Variants in PCMT1 observed in about 807,000 individuals in gnomAD.
PCMT1 encodes protein-L-isoaspartate (D-aspartate) O-methyltransferase, also known as protein-L-isoaspartate(D-aspartate) O-methyltransferase.
Under a neutral mutation model 29.2 loss-of-function variants are expected in PCMT1, and 9 were observed. The ratio of observed to expected loss-of-function variants is 0.31; its 90% CI spans 0.19 to 0.54. The LOEUF is 0.54. PCMT1 is among the 20% of genes least tolerant of loss of function. PCMT1 has a pLI of 0.95. For synonymous variants in PCMT1, 98 were observed against 97.5 expected (o/e 1.00, Z -0.03); for missense variants, 184 against 282.2 (o/e 0.65, Z 2.49).
At chr6:149,770,240 CCTAA>C (rs1787255824) in intron 1 of PCMT1, among the ~76,000 whole-genome samples, 1 of 152,148 alleles carries the variant, frequency 6.6e-6, no homozygotes, top group African/African-American at 2.4e-5. Context: ...ATCTGAAGCC[CCTAA>C]CTTTTTACCC....
intron 1 of PCMT1, among the ~76,000 whole-genome samples, chr6:149,756,440 C>G (rs1025657144): frequency 2.7e-5 from 4 of 146,750 alleles, no homozygotes; most frequent in Non-Finnish European, 4.5e-5. Flanking sequence ...CCTCTGTTTC[C>G]TGGGTTCAAG....
chr6:149,763,703 T>C (rs1786956795), intron 1 of PCMT1, among the ~76,000 whole-genome samples: 1 of 152,156 alleles, frequency 6.6e-6, no homozygotes, highest in Admixed American at 6.6e-5. Flanking sequence ...ACACTTTAAG[T>C]ATCCATCTAG....
chr6:149,796,475 C>CTGCA lies in PCMT1; in HGVS notation c.480_483dup (p.Ala162CysfsTer36). On this transcript the variant is annotated frameshift_variant, in exon 6 of 8. Coordinates refer to ENST00000464889, the MANE Select transcript of PCMT1 (RefSeq NM_001360452.2). LOFTEE classifies it high-confidence loss of function. ...CCTTATGATGCCATTCATGTGGGAGCTGCAGCCCCTGTTGTACCCCAGGCG... is the reference window on the plus strand; with the variant it reads ...CCTTATGATGCCATTCATGTGGGAGCTGCATGCAGCCCCTGTTGTACCCCAGGCG... 1 of 1,613,670 alleles carries CTGCA rather than the reference C, an allele frequency of 6.2e-7. No homozygotes were observed. Among genetic ancestry groups the CTGCA allele is most frequent in the Non-Finnish European group, 8.5e-7 (1 of 1,179,762 alleles).
At chr6:149,787,919 AC>A (rs1366963602) in intron 3 of PCMT1, among the ~76,000 whole-genome samples, 1 of 149,648 alleles carries the variant, frequency 6.7e-6, no homozygotes, top group Non-Finnish European at 1.5e-5. Context: ...TTTACCTTTA[AC>A]TTTTTTTGAG....
At chr6:149,764,727 C>T (rs1268284988) in intron 1 of PCMT1, among the ~76,000 whole-genome samples, 1 of 147,900 alleles carries the variant, frequency 6.8e-6, no homozygotes, top group Admixed American at 6.7e-5. Flanking sequence ...GCAACAAAGC[C>T]AGACCATATC....
At chr6:149,761,216 A>G (rs928874138) in intron 1 of PCMT1, among the ~76,000 whole-genome samples, 15 of 151,422 alleles carry the variant, frequency 9.9e-5, no homozygotes, top group Non-Finnish European at 2.1e-4. Flanking sequence ...TCACTATGAA[A>G]GTAAAGCAGT....
chr6:149,777,694 A>C (rs557734519), intron 3 of PCMT1, among the ~76,000 whole-genome samples: 1 of 152,238 alleles, frequency 6.6e-6, no homozygotes, highest in East Asian at 1.9e-4. Flanking sequence ...TAAGATAGGA[A>C]TTAGCTTATT....
intron 6 of PCMT1, chr6:149,797,802 G>A (rs1245711484): frequency 1.3e-5 from 2 of 151,986 alleles, no homozygotes; most frequent in Non-Finnish European, 2.9e-5. Context: ...TGTATAATTT[G>A]TTCTGGTCAT....
chr6:149,749,846 T>TCA lies in PCMT1; in HGVS notation c.-56_-55insCA. ...GTGGTCTCACTCTTGGGAAAACTGCTGGGCACCGTCGTCGCGCTGAAGGTG... is the reference window on the plus strand; with the variant it reads ...GTGGTCTCACTCTTGGGAAAACTGCTCAGGGCACCGTCGTCGCGCTGAAGGTG... On this transcript the variant is annotated 5_prime_UTR_variant, in exon 1 of 8. Transcript: ENST00000464889. 1 of 1,580,536 alleles carries TCA rather than the reference T, an allele frequency of 6.3e-7. No homozygotes were observed. The highest frequency in any genetic ancestry group is 8.6e-7 in the Non-Finnish European group (1 of 1,163,018).
intron 3 of PCMT1, among the ~76,000 whole-genome samples, chr6:149,786,487 T>G (rs1368671115): frequency 1.6e-5 from 2 of 125,920 alleles, no homozygotes; most frequent in East Asian, 2.9e-4. Flanking sequence ...ACGGGGTGGC[T>G]GCCAGGCGGA....
chr6:149,790,178 TGGAATGAGCATCACTTA>T (rs1157226183), intron 4 of PCMT1, 120 bp downstream of exon 4: 2 of 635,376 alleles, frequency 3.1e-6, no homozygotes, highest in Non-Finnish European at 5.5e-6. Flanking sequence ...GGATAGCAGT[TGGAATGAGCATCACTTA>T]GGATTTTGTT....
chr6:149,775,777 C>T (rs1330877925), intron 3 of PCMT1, among the ~76,000 whole-genome samples: 2 of 152,122 alleles, frequency 1.3e-5, no homozygotes, highest in Non-Finnish European at 2.9e-5. Flanking sequence ...AATATGTAGA[C>T]ATGTATGCAT....
In PCMT1 at chr6:149,790,049, T is replaced by G; in HGVS notation, c.288T>G (p.Phe96Leu). 1 of 1,594,690 alleles carries G rather than the reference T, an allele frequency of 6.3e-7. No homozygotes were observed. The highest frequency in any genetic ancestry group is 8.6e-7 in the Non-Finnish European group (1 of 1,164,734). Reference protein sequence around the residue: ...GSGSGILTACFARMVGCTGKV... With the variant: ...GSGSGILTACLARMVGCTGKV... ...GAAGTGGAATCCTTACTGCATGTTTTGCACGTATGGTAAGAGTTTTATTTC... is the reference window on the plus strand; with the variant it reads ...GAAGTGGAATCCTTACTGCATGTTTGGCACGTATGGTAAGAGTTTTATTTC... Residue 96 changes from phenylalanine (F) to leucine (L), a missense_variant, in exon 4 of 8, where the codon TTT becomes TTG. Physicochemically the swap from Phe to Leu is conservative, Grantham distance 22. Coordinates refer to ENST00000464889, the MANE Select transcript of PCMT1 (RefSeq NM_001360452.2).
At chr6:149,765,729 G>A in intron 1 of PCMT1, 1 of 341,694 alleles carries the variant, frequency 2.9e-6, no homozygotes. Context: ...CACTTTGGGA[G>A]GACGAGGAAG....
intron 1 of PCMT1, among the ~76,000 whole-genome samples, chr6:149,762,681 A>C (rs1316148601): frequency 6.8e-5 from 2 of 29,560 alleles, no homozygotes; most frequent in Non-Finnish European, 8.7e-5. Context: ...ATATATATAT[A>C]TCTATGATAT....
chr6:149,785,995 C>T (rs1342168202), intron 3 of PCMT1, among the ~76,000 whole-genome samples: 5 of 149,892 alleles, frequency 3.3e-5, no homozygotes, highest in East Asian at 2.0e-4. Context: ...CGGGCAGAGG[C>T]GCCCCTCACC....
At chr6:149,786,792 G>A (rs1329422620) in intron 3 of PCMT1, among the ~76,000 whole-genome samples, 2 of 150,022 alleles carry the variant, frequency 1.3e-5, no homozygotes, top group Non-Finnish European at 3.0e-5. Flanking sequence ...CTTCCTAGAT[G>A]GGATGGTGGC....
chr6:149,786,798 G>C (rs980051116), intron 3 of PCMT1, among the ~76,000 whole-genome samples: 1 of 150,268 alleles, frequency 6.7e-6, no homozygotes, highest in Non-Finnish European at 1.5e-5. Context: ...AGATGGGATG[G>C]TGGCCGGAAA....
At chr6:149,778,825 C>T (rs1321399381) in intron 3 of PCMT1, among the ~76,000 whole-genome samples, 2 of 152,134 alleles carry the variant, frequency 1.3e-5, no homozygotes, top group Non-Finnish European at 2.9e-5. Flanking sequence ...AGGTGTGAGC[C>T]ACTGGGCCGG....
Sources: allele counts gnomAD v4.1 joint callset (sites outside exome capture counted in the v4.1 genomes callset), GRCh38; gene constraint gnomAD v4.1.1; transcripts MANE v1.5; gene names NCBI Gene and HGNC (gene_info 2026-07-23, HGNC 2026-07-21).